The following FAT3 variants were observed in gnomAD, a reference collection of about 807,000 sequenced individuals.
FAT3 encodes the protein protocadherin Fat 3.
Under a neutral mutation model 310.2 loss-of-function variants are expected in FAT3, and 95 were observed. The ratio of observed to expected loss-of-function variants is 0.31; its 90% CI spans 0.26 to 0.36. The LOEUF (loss-of-function observed/expected upper bound fraction) is 0.36. Among genes scored for constraint, FAT3 ranks in the 10% least tolerant of loss-of-function variants. FAT3 has a pLI of 1.00. For missense variants in FAT3, 5,408 were observed against 5,715.6 expected (o/e 0.95, Z 1.74); for synonymous variants, 2,314 against 2,192.9 (o/e 1.06, Z -1.54).
chr11:92,467,993 A>G (rs2135137564), intron 2 of FAT3, among the ~76,000 whole-genome samples: 1 of 152,360 alleles, frequency 6.6e-6, no homozygotes, highest in East Asian at 1.9e-4. Context: ...TATATAACAT[A>G]TGCATGACAT....
intron 3 of FAT3, among the ~76,000 whole-genome samples, chr11:92,685,519 C>T (rs1434631926): frequency 1.3e-5 from 2 of 151,714 alleles, no homozygotes; most frequent in Non-Finnish European, 2.9e-5. Flanking sequence ...TGGATGGAAG[C>T]ATGTGTGTGT....
intron 18 of FAT3, 150 bp from the exon 19 acceptor site, chr11:92,843,784 C>CAAA: frequency 1.3e-6 from 1 of 742,356 alleles, no homozygotes; most frequent in Non-Finnish European, 2.3e-6. Context: ...CTTACTTAAA[C>CAAA]GCACATCCTC....
At position 92,638,314 on chromosome 11, in the gene FAT3, G is replaced by A. The variant is rs141985981; in HGVS notation, c.3608-59070G>A. ...TGAACGTGATCTTGAACCAAATGCAGTAAAGCAGTCAGAGGCCTTTTAGGA... is the reference window on the plus strand; with the variant it reads ...TGAACGTGATCTTGAACCAAATGCAATAAAGCAGTCAGAGGCCTTTTAGGA... On this transcript the variant is annotated intron_variant, in intron 3 of 27. Transcript: ENST00000525166. Among the ~76,000 whole-genome samples, 141 of 152,320 alleles carry A rather than the reference G, an allele frequency of 9.3e-4. 1 individual carries two copies. The highest frequency in any genetic ancestry group is 1.9e-3 in the Admixed American group (29 of 15,294).
At chr11:92,783,128 G>A (rs545765143) in intron 7 of FAT3, among the ~76,000 whole-genome samples, 1 of 152,188 alleles carries the variant, frequency 6.6e-6, no homozygotes, top group South Asian at 2.1e-4. Flanking sequence ...GGGAGGCCAA[G>A]GTGGGGAGAT....
chr11:92,548,468 A>G (rs948317511), intron 3 of FAT3, among the ~76,000 whole-genome samples: 1 of 152,170 alleles, frequency 6.6e-6, no homozygotes, highest in African/African-American at 2.4e-5. Flanking sequence ...TTTATTTTTC[A>G]TAAGAAAAGG....
chr11:92,358,778 A>C (rs1233679968), intron 2 of FAT3, among the ~76,000 whole-genome samples: 1 of 152,154 alleles, frequency 6.6e-6, no homozygotes, highest in Non-Finnish European at 1.5e-5. Context: ...CTACTGTTGA[A>C]TGATCCATCA....
intron 13 of FAT3, among the ~76,000 whole-genome samples, chr11:92,818,889 C>T (rs974502251): frequency 1.5e-4 from 23 of 152,308 alleles, no homozygotes; most frequent in East Asian, 5.8e-4. Context: ...GCTGCATGCA[C>T]GTTTCTTCTC....
At position 92,877,499 on chromosome 11, in the gene FAT3, A is replaced by T. The variant is rs562863054; in HGVS notation, c.12128-3232A>T. Among the ~76,000 whole-genome samples the T allele has an allele frequency of 5.5e-4, 84 of 152,208 alleles. 1 individual carries two copies. The South Asian group carries it at 0.016, about 29-fold the overall frequency. On this transcript the variant is annotated intron_variant, in intron 22 of 27. Coordinates refer to ENST00000525166, the MANE Select transcript of FAT3 (RefSeq NM_001367949.2). ...AAAGTAAATATGATGTGCTTATTGG[A>T]TGCTGAAACTCACAACCACCCCTCC...
intron 2 of FAT3, among the ~76,000 whole-genome samples, chr11:92,429,462 T>G (rs1200210124): frequency 1.3e-5 from 2 of 152,214 alleles, no homozygotes; most frequent in Non-Finnish European, 2.9e-5. Context: ...TTGATGCAGT[T>G]TCTTCATAGT....
Position 92,800,978 on chromosome 11 carries a change from T to C in FAT3, c.7965T>C (p.Pro2655=), listed in dbSNP as rs187737590. ...TGGCCGACCTCCTGGAAATCGATCCTGACAATGGCTGGATGGTCACAAAGG... is the reference window on the plus strand; with the variant it reads ...TGGCCGACCTCCTGGAAATCGATCCCGACAATGGCTGGATGGTCACAAAGG... The part of the protein sequence containing the change: ...VSVADLLEID[P]DNGWMVTKGN... Residue 2655 remains proline (P), a synonymous_variant, in exon 10 of 28, where the codon CCT becomes CCC. Transcript: ENST00000525166. The C allele has an allele frequency of 8.9e-4, 1,440 of 1,613,392 alleles. 9 individuals carry two copies. The highest frequency in any genetic ancestry group is 5.4e-3 in the South Asian group (489 of 90,882).
At chr11:92,653,260 A>G (rs1320952513) in intron 3 of FAT3, among the ~76,000 whole-genome samples, 10 of 152,100 alleles carry the variant, frequency 6.6e-5, no homozygotes, top group Admixed American at 4.6e-4. Context: ...TTCGGTATCC[A>G]ATTAAAATGT....
In FAT3 at chr11:92,857,267, G is replaced by C. The variant is rs903437501; in HGVS notation, c.11419G>C (p.Asp3807His). ...DPCVEKPCPG[D>H]MQCVSYEASR... ...TTGTGTGGAGAAGCCGTGTCCAGGGGACATGCAGTGTGTCAGTTATGAAGC... is the reference window on the plus strand; with the variant it reads ...TTGTGTGGAGAAGCCGTGTCCAGGGCACATGCAGTGTGTCAGTTATGAAGC... Residue 3807 changes from aspartate to histidine, a missense_variant, in exon 20 of 28, where the codon GAC becomes CAC. Asp to His is a moderately conservative substitution (Grantham distance 81, BLOSUM62 -1). Coordinates refer to ENST00000525166, the MANE Select transcript of FAT3 (RefSeq NM_001367949.2). The C allele has an allele frequency of 1.2e-6, 2 of 1,614,018 alleles. No homozygotes were observed.
chr11:92,320,711 C>CA (rs941328312), intron 1 of FAT3, among the ~76,000 whole-genome samples: 21 of 150,808 alleles, frequency 1.4e-4, no homozygotes, highest in South Asian at 1.1e-3. Flanking sequence ...CTACTAAATA[C>CA]AAAAAAAAAT....
chr11:92,873,680 A>C (rs538618776), intron 22 of FAT3, among the ~76,000 whole-genome samples: 1 of 152,370 alleles, frequency 6.6e-6, no homozygotes, highest in South Asian at 2.1e-4. Context: ...TCTTTGAGCA[A>C]GGAAAGGAGG....
intron 3 of FAT3, among the ~76,000 whole-genome samples, chr11:92,599,323 G>T (rs1591504358): frequency 6.6e-6 from 1 of 152,192 alleles, no homozygotes; most frequent in South Asian, 2.1e-4. Flanking sequence ...AGTACAGAAT[G>T]AAGTGGGGGG....
intron 4 of FAT3, among the ~76,000 whole-genome samples, chr11:92,711,984 T>C (rs192400581): frequency 7.7e-4 from 118 of 152,324 alleles, no homozygotes; most frequent in South Asian, 4.8e-3. Flanking sequence ...ATCTGCTTGA[T>C]GATGGATTAT....
intron 1 of FAT3, among the ~76,000 whole-genome samples, chr11:92,235,354 T>C (rs1864374928): frequency 6.6e-6 from 1 of 152,166 alleles, no homozygotes; most frequent in Non-Finnish European, 1.5e-5. Context: ...ACCTGACCTC[T>C]TATATGGTCT....
chr11:92,269,347 C>T (rs1946058442), intron 1 of FAT3, among the ~76,000 whole-genome samples: 1 of 152,162 alleles, frequency 6.6e-6, no homozygotes, highest in South Asian at 2.1e-4. Context: ...TGTGTTCACA[C>T]CAGCAAGCAA....
chr11:92,376,622 CCTG>C (rs1949354047), intron 2 of FAT3, among the ~76,000 whole-genome samples: 1 of 152,118 alleles, frequency 6.6e-6, no homozygotes, highest in Non-Finnish European at 1.5e-5. Context: ...AACCAGCAGT[CCTG>C]CTGTGTTTCA....
Sources: allele counts gnomAD v4.1 joint callset (sites outside exome capture counted in the v4.1 genomes callset), GRCh38; gene constraint gnomAD v4.1.1; transcripts MANE v1.5; gene names NCBI Gene and HGNC (gene_info 2026-07-23, HGNC 2026-07-21).